SLC22A3: variants seen among roughly 807,000 people sequenced by gnomAD.
SLC22A3 encodes solute carrier family 22 member 3.
Under a neutral mutation model 59.1 loss-of-function variants are expected in SLC22A3, and 51 were observed. That is an observed-to-expected ratio of 0.86 (90% CI 0.69 to 1.09). The LOEUF (loss-of-function observed/expected upper bound fraction) is 1.09. Ranked by LOEUF, SLC22A3 falls within the 50% of genes least tolerant of loss-of-function variation. The probability of loss-of-function intolerance (pLI) is 0.00; values close to 1 mark genes in which losing one functional copy is unlikely to be tolerated. For synonymous variants in SLC22A3, 325 were observed against 292.0 expected (o/e 1.11, Z -1.15); for missense variants, 711 against 726.3 (o/e 0.98, Z 0.24).
rs1434735052 is a variant in SLC22A3, at chr6:160,442,758, C to T, written c.1289-3C>T. On this transcript the variant is annotated splice_polypyrimidine_tract_variant and splice_region_variant and intron_variant, in intron 7 of 10. Coordinates refer to ENST00000275300, the MANE Select transcript of SLC22A3 (RefSeq NM_021977.4). ...CTCCCTTTCAAACTTTCTGTGTTTG[C>T]AGGAATAGCATGGTTGAGGACCACA... 4 of 1,607,456 alleles carry T rather than the reference C, an allele frequency of 2.5e-6. No individual in the cohort carries two copies. In the Admixed American group the frequency reaches 5.0e-5, roughly 20 times the overall value.
Position 160,415,752 on chromosome 6 carries a change from C to T in SLC22A3, c.975+4906C>T, listed in dbSNP as rs1261602030. On this transcript the variant is annotated intron_variant, in intron 5 of 10. Coordinates refer to ENST00000275300, the MANE Select transcript of SLC22A3 (RefSeq NM_021977.4). This position sits in a 1 kb window ranked among gnomAD's most constrained non-coding sequence, Gnocchi z 4.1. ...GAATGTGGTTGGATTCAAAGAAGCC[C>T]TAGGAGACCCAACAAGTCAGCATTT... Among the ~76,000 whole-genome samples the T allele has an allele frequency of 6.6e-6, 1 of 152,082 alleles. No homozygotes were observed. The highest frequency in any genetic ancestry group is 1.5e-5 in the Non-Finnish European group (1 of 68,000).
At position 160,398,067 on chromosome 6, in the gene SLC22A3, G is replaced by C; in HGVS notation, c.518G>C (p.Gly173Ala). 6.2e-7 allele frequency: 1 copy of C among 1,613,372 alleles called. No individual in the cohort carries two copies. Among genetic ancestry groups the C allele is most frequent in the Non-Finnish European group, 8.5e-7 (1 of 1,179,422 alleles). ...LGFLTGAFTLGYAADRYGRIV... is the reference protein window; with the variant it reads ...LGFLTGAFTLAYAADRYGRIV... ...TTCCTGACTGGAGCATTCACCTTAG[G>C]CTATGCAGCAGACAGGTAGGTACCA... Residue 173 changes from glycine to alanine, a missense_variant, in exon 2 of 11, where the codon GGC becomes GCC. Transcript: ENST00000275300.
chr6:160,416,661 T>C (rs1247773952), intron 5 of SLC22A3, among the ~76,000 whole-genome samples: 1 of 152,184 alleles, frequency 6.6e-6, no homozygotes, highest in African/African-American at 2.4e-5. Flanking sequence ...TCTTTTACAG[T>C]GCAGTAAATG....
At chr6:160,420,835 A>T (rs1271824256) in intron 5 of SLC22A3, among the ~76,000 whole-genome samples, 1 of 152,204 alleles carries the variant, frequency 6.6e-6, no homozygotes, top group Non-Finnish European at 1.5e-5. Context: ...CTAGAAGAAG[A>T]CACGGGATTC....
At chr6:160,440,100 T>C (rs900728968) in intron 7 of SLC22A3, among the ~76,000 whole-genome samples, 3 of 152,208 alleles carry the variant, frequency 2.0e-5, no homozygotes, top group African/African-American at 7.2e-5. Context: ...GAAGAAGAAA[T>C]AGTAGTTCTG....
intron 1 of SLC22A3, among the ~76,000 whole-genome samples, chr6:160,370,805 T>G (rs566890615): frequency 1.1e-4 from 17 of 152,226 alleles, no homozygotes; most frequent in Non-Finnish European, 1.9e-4. Context: ...GCAGAGCTAT[T>G]AAGTTGCCCC....
intron 1 of SLC22A3, among the ~76,000 whole-genome samples, chr6:160,354,436 A>G (rs1413193093): frequency 6.6e-6 from 1 of 152,194 alleles, no homozygotes; most frequent in Non-Finnish European, 1.5e-5. Context: ...GGTGGGAGTC[A>G]GGAGGGAGGG....
intron 10 of SLC22A3, among the ~76,000 whole-genome samples, chr6:160,449,531 AAATT>A (rs1303937757): frequency 2.6e-5 from 4 of 152,210 alleles, no homozygotes; most frequent in African/African-American, 9.7e-5. Context: ...ACTTAGTGCT[AAATT>A]ACTAAAACTT....
intron 1 of SLC22A3, among the ~76,000 whole-genome samples, chr6:160,382,820 G>A (rs1315023726): frequency 6.6e-6 from 1 of 152,122 alleles, no homozygotes; most frequent in East Asian, 1.9e-4. Context: ...CTTAATGAAT[G>A]AGTAGATAGG....
At chr6:160,450,966 T>G (rs1381678441) in intron 10 of SLC22A3, 30 bp from the exon 11 acceptor site, 1 of 1,565,208 alleles carries the variant, frequency 6.4e-7, no homozygotes, top group Non-Finnish European at 8.7e-7. Flanking sequence ...ACATAATCTT[T>G]CCTAAAGACT....
intron 1 of SLC22A3, among the ~76,000 whole-genome samples, chr6:160,383,212 G>C (rs1785861596): frequency 6.6e-6 from 1 of 152,350 alleles, no homozygotes; most frequent in Admixed American, 6.5e-5. Context: ...TACTTAGAGA[G>C]AGGTTCTTGG....
At chr6:160,364,781 C>T (rs975001041) in intron 1 of SLC22A3, among the ~76,000 whole-genome samples, 1 of 152,138 alleles carries the variant, frequency 6.6e-6, no homozygotes, top group Non-Finnish European at 1.5e-5. Flanking sequence ...TCGCTCAGAG[C>T]AGGATCAGAT....
intron 1 of SLC22A3, among the ~76,000 whole-genome samples, chr6:160,380,823 T>C (rs565187694): frequency 1.3e-5 from 2 of 152,200 alleles, no homozygotes; most frequent in Non-Finnish European, 2.9e-5. Context: ...AAGTGCCAAG[T>C]TCATTTTAGA....
At chr6:160,448,951 A>G (rs1583524472) in intron 10 of SLC22A3, among the ~76,000 whole-genome samples, 1 of 152,300 alleles carries the variant, frequency 6.6e-6, no homozygotes, top group East Asian at 1.9e-4. Context: ...CTTAATAATG[A>G]CTTAGGAATT....
rs116835927 is a variant in SLC22A3 at position 160,369,948 on chromosome 6, G to A, written c.429+21100G>A. 8.2e-3 allele frequency among the ~76,000 whole-genome samples: 1,252 copies of A among 152,334 alleles called. 17 individuals are homozygous for A. Among genetic ancestry groups the A allele is most frequent in the African/African-American group, 0.029 (1,188 of 41,574 alleles). ...TGACCCAATGGCCAGGGCAGGAGCC[G>A]TCAGGGTGTCTTAATTTACTGATTT... On this transcript the variant is annotated intron_variant, in intron 1 of 10. Transcript: ENST00000275300.
chr6:160,407,126 GTGTT>G lies in SLC22A3; in HGVS notation c.623_626del (p.Phe208Ter). On this transcript the variant is annotated frameshift_variant, in exon 3 of 11. Coordinates refer to ENST00000275300, the MANE Select transcript of SLC22A3 (RefSeq NM_021977.4). LOFTEE classifies it high-confidence loss of function. ...GGTGGCCTTTGCACCAAACTTCCCTGTGTTTGTGATCTTCCGCTTCCTGCAAGGT... is the reference window on the plus strand; with the variant it reads ...GGTGGCCTTTGCACCAAACTTCCCTGTGTGATCTTCCGCTTCCTGCAAGGT... 6.2e-7 allele frequency: 1 copy of G among 1,612,310 alleles called. No homozygotes were observed. Among genetic ancestry groups the G allele is most frequent in the Non-Finnish European group, 8.5e-7 (1 of 1,179,090 alleles).
At chr6:160,384,619 T>A (rs180802290) in intron 1 of SLC22A3, among the ~76,000 whole-genome samples, 1 of 152,004 alleles carries the variant, frequency 6.6e-6, no homozygotes, top group Admixed American at 6.5e-5. Flanking sequence ...AAGAGGAGCA[T>A]CCAGATCCCC....
At chr6:160,426,309 G>T (rs1451320248) in intron 5 of SLC22A3, 6 of 985,202 alleles carry the variant, frequency 6.1e-6, no homozygotes, top group Non-Finnish European at 7.2e-6. Context: ...CAGTGGTTTT[G>T]GTTCTTGTGG....
intron 10 of SLC22A3, among the ~76,000 whole-genome samples, chr6:160,450,140 G>T (rs1216474086): frequency 6.6e-6 from 1 of 152,234 alleles, no homozygotes; most frequent in East Asian, 1.9e-4. Flanking sequence ...CCCAATCCTA[G>T]TAAGCCTGAG....
Sources: gnomAD v4.1 joint callset for allele counts (sites outside exome capture counted in the v4.1 genomes callset) on GRCh38, gnomAD v4.1.1 for gene constraint, Gnocchi (gnomAD v3.1) non-coding constraint, MANE v1.5 for transcripts, NCBI Gene and HGNC (gene_info 2026-07-23, HGNC 2026-07-21) for gene names.